Variants in BICC1 observed in about 807,000 individuals in gnomAD.
The protein encoded by BICC1 is protein bicaudal C homolog 1.
BICC1 carries 43 observed loss-of-function variants against 111.0 expected under a neutral mutation model. The observed-to-expected ratio is 0.39, with a 90% CI of 0.30 to 0.50. The LOEUF (loss-of-function observed/expected upper bound fraction) is 0.50. Among genes scored for constraint, BICC1 ranks in the 20% least tolerant of loss-of-function variants. The pLI is 0.88. For synonymous variants in BICC1, 467 were observed against 434.4 expected (o/e 1.07, Z -0.93); for missense variants, 1,091 against 1,203.2 (o/e 0.91, Z 1.38).
At chr10:58,538,642 A>G (rs1842883883) in intron 1 of BICC1, among the ~76,000 whole-genome samples, 1 of 152,034 alleles carries the variant, frequency 6.6e-6, no homozygotes, top group Non-Finnish European at 1.5e-5. Flanking sequence ...CTGCACAGCA[A>G]AAGAAATAAC....
intron 1 of BICC1, among the ~76,000 whole-genome samples, chr10:58,600,730 G>A (rs1348867388): frequency 1.3e-5 from 2 of 152,022 alleles, no homozygotes; most frequent in African/African-American, 2.4e-5. Flanking sequence ...TGCTCAGTGT[G>A]CAGGTAATGA....
At chr10:58,687,704 C>T (rs1287211027) in intron 2 of BICC1, among the ~76,000 whole-genome samples, 4 of 152,200 alleles carry the variant, frequency 2.6e-5, no homozygotes, top group Non-Finnish European at 4.4e-5. Flanking sequence ...GTGCCATTTG[C>T]TAAGACCATT....
At chr10:58,724,820 G>C (rs1449946709) in intron 3 of BICC1, among the ~76,000 whole-genome samples, 1 of 152,172 alleles carries the variant, frequency 6.6e-6, no homozygotes, top group Non-Finnish European at 1.5e-5. Flanking sequence ...TGCACCTTCA[G>C]GTCTCTATTT....
intron 1 of BICC1, among the ~76,000 whole-genome samples, chr10:58,517,535 A>T (rs1842274401): frequency 1.3e-5 from 2 of 152,246 alleles, no homozygotes; most frequent in South Asian, 4.1e-4. Flanking sequence ...GGGAGTACTG[A>T]AAGTGAAGAT....
chr10:58,769,373 TG>T (rs1163865375), intron 3 of BICC1, among the ~76,000 whole-genome samples: 14 of 82,692 alleles, frequency 1.7e-4, no homozygotes, highest in South Asian at 1.5e-3. Context: ...AGTTTTATAA[TG>T]TATGTGTGTG....
chr10:58,785,101 C>T, intron 4 of BICC1, 21 bp downstream of exon 4: 1 of 1,462,218 alleles, frequency 6.8e-7, no homozygotes, highest in East Asian at 2.4e-5. Flanking sequence ...GTTAAGGACA[C>T]TCAGATGTCA....
chr10:58,737,170 CAT>C (rs747140600), intron 3 of BICC1, among the ~76,000 whole-genome samples: 3 of 152,046 alleles, frequency 2.0e-5, no homozygotes, highest in East Asian at 3.9e-4. Flanking sequence ...TATATATACA[CAT>C]GTGCCATGTT....
chr10:58,791,643 G>T (rs758086541), intron 8 of BICC1, among the ~76,000 whole-genome samples: 44 of 152,184 alleles, frequency 2.9e-4, no homozygotes, highest in Admixed American at 7.2e-4. Context: ...AAGAGGCTGA[G>T]ACAGGAGAAT....
chr10:58,683,891 G>T (rs540284020), intron 2 of BICC1, among the ~76,000 whole-genome samples: 1 of 152,218 alleles, frequency 6.6e-6, no homozygotes, highest in Admixed American at 6.5e-5. Flanking sequence ...GATTGCCCTG[G>T]CCAGAACTTC....
chr10:58,815,735 C>A (rs867338813), intron 18 of BICC1, among the ~76,000 whole-genome samples: 1 of 151,854 alleles, frequency 6.6e-6, no homozygotes, highest in African/African-American at 2.4e-5. Context: ...ACGTTATAGG[C>A]TACTTTGAAC....
chr10:58,740,771 TTTGAG>T (rs1190718065), intron 3 of BICC1, among the ~76,000 whole-genome samples: 1 of 152,000 alleles, frequency 6.6e-6, no homozygotes, highest in Admixed American at 6.6e-5. Context: ...AGAAGTGACA[TTTGAG>T]TTGGCCTTGA....
At position 58,793,551 on chromosome 10, in the gene BICC1, C is replaced by T. The variant is rs1046249158; in HGVS notation, c.1115C>T (p.Ala372Val). The T allele has an allele frequency of 5.6e-6, 9 of 1,613,350 alleles. No homozygotes were observed. The highest frequency in any genetic ancestry group is 4.4e-5 in the South Asian group (4 of 90,986). The change falls in exon 9 of 21, where the codon GCG (alanine) becomes GTG (valine). Residue 372 changes from alanine to valine, a missense_variant. Physicochemically the swap from Ala to Val is moderately conservative, Grantham distance 64. This residue lies in a region of BICC1 where 843 missense variants were observed against 900.8 expected (regional missense o/e 0.94). Coordinates refer to ENST00000373886, the MANE Select transcript of BICC1 (RefSeq NM_001080512.3). ...EEIEVDPQFIAQLMEQLDVFI... is the reference protein window; with the variant it reads ...EEIEVDPQFIVQLMEQLDVFI... ...ATTGAAGTAGATCCACAATTCATTG[C>T]GCAGTTGATGGAACAGCTTGATGTC...
At chr10:58,823,680 T>C (rs749882219) in intron 20 of BICC1, 29 of 984,648 alleles carry the variant, frequency 2.9e-5, no homozygotes, top group Non-Finnish European at 3.5e-5. Flanking sequence ...CTCATTCCTT[T>C]TTTTTCTTTG....
At chr10:58,695,897 C>A (rs1345875557) in intron 2 of BICC1, among the ~76,000 whole-genome samples, 2 of 152,080 alleles carry the variant, frequency 1.3e-5, no homozygotes, top group Admixed American at 6.6e-5. Context: ...GATGAAACTA[C>A]TTGTAGAATT....
chr10:58,629,066 C>A (rs541992243), intron 2 of BICC1, among the ~76,000 whole-genome samples: 1 of 152,264 alleles, frequency 6.6e-6, no homozygotes, highest in African/African-American at 2.4e-5. Flanking sequence ...AGTGAGAACT[C>A]CTGCATGCTT....
chr10:58,571,209 A>T (rs1033037575), intron 1 of BICC1, among the ~76,000 whole-genome samples: 2 of 152,316 alleles, frequency 1.3e-5, no homozygotes, highest in Middle Eastern at 3.4e-3. Flanking sequence ...GCATAATTTT[A>T]TTGGAAGAAA....
At chr10:58,571,663 A>G (rs1340032893) in intron 1 of BICC1, among the ~76,000 whole-genome samples, 1 of 152,308 alleles carries the variant, frequency 6.6e-6, no homozygotes, top group Non-Finnish European at 1.5e-5. Context: ...TGCAAAAGAC[A>G]TGATCTCATT....
intron 2 of BICC1, among the ~76,000 whole-genome samples, chr10:58,697,482 T>C (rs1840097768): frequency 6.6e-6 from 1 of 152,170 alleles, no homozygotes; most frequent in African/African-American, 2.4e-5. Context: ...AAAAACCAAC[T>C]AGTTGAAACT....
chr10:58,682,334 G>T (rs1323815225), intron 2 of BICC1, among the ~76,000 whole-genome samples: 1 of 152,078 alleles, frequency 6.6e-6, no homozygotes, highest in Non-Finnish European at 1.5e-5. Flanking sequence ...ACATACATGT[G>T]CATTTATCTT....
Sources: gnomAD v4.1 joint callset for allele counts (sites outside exome capture counted in the v4.1 genomes callset) on GRCh38, gnomAD v4.1.1 for gene constraint, gnomAD v4.1.1 regional missense constraint, MANE v1.5 for transcripts, NCBI Gene and HGNC (gene_info 2026-07-23, HGNC 2026-07-21) for gene names.